KCNJ6: variants seen among roughly 807,000 people sequenced by gnomAD.
The protein encoded by KCNJ6 is potassium inwardly rectifying channel subfamily J member 6, also known as G protein-activated inward rectifier potassium channel 2.
Under a neutral mutation model 34.2 loss-of-function variants are expected in KCNJ6, and 9 were observed. That is an observed-to-expected ratio of 0.26 (90% confidence interval 0.16 to 0.46). The LOEUF (loss-of-function observed/expected upper bound fraction) is 0.46. KCNJ6 is among the 20% of genes least tolerant of loss of function. The pLI is 1.00. For missense variants in KCNJ6, 236 were observed against 531.3 expected, an observed-to-expected ratio of 0.44 and a Z score of 5.46; for synonymous variants, 196 against 207.1, an observed-to-expected ratio of 0.95 and a Z score of 0.46.
At chr21:37,682,014 C>T (rs186357895) in intron 3 of KCNJ6, among the ~76,000 whole-genome samples, 120 of 152,298 alleles carry the variant, frequency 7.9e-4, no homozygotes, top group Non-Finnish European at 1.5e-3. Context: ...GGCCTTGGCC[C>T]ATCACATTAC....
At chr21:37,818,440 C>T (rs959518850) in intron 2 of KCNJ6, among the ~76,000 whole-genome samples, 3 of 151,506 alleles carry the variant, frequency 2.0e-5, no homozygotes, top group African/African-American at 7.3e-5. Flanking sequence ...AATGCCCATT[C>T]CTAATCAGCT....
chr21:37,826,165 T>G (rs1487074494), intron 2 of KCNJ6, among the ~76,000 whole-genome samples: 1 of 152,080 alleles, frequency 6.6e-6, no homozygotes, highest in Non-Finnish European at 1.5e-5. Flanking sequence ...AAATTTTAGC[T>G]TTAGTGTTGA....
At chr21:37,734,952 G>C (rs1376250648) in intron 2 of KCNJ6, among the ~76,000 whole-genome samples, 1 of 152,180 alleles carries the variant, frequency 6.6e-6, no homozygotes, top group Non-Finnish European at 1.5e-5. Flanking sequence ...TGGAATGAAT[G>C]ACAGGAACGT....
chr21:37,693,308 T>C (rs2054648396), intron 3 of KCNJ6, among the ~76,000 whole-genome samples: 1 of 152,212 alleles, frequency 6.6e-6, no homozygotes, highest in Admixed American at 6.5e-5. Flanking sequence ...TTGATTCACA[T>C]CACCATTTGG....
chr21:37,675,342 GTGGCTGCAT>G lies in KCNJ6; in HGVS notation c.946+38860_946+38868del, dbSNP rs1444453321. Among the ~76,000 whole-genome samples, 1 of 152,262 alleles carries G rather than the reference GTGGCTGCAT, an allele frequency of 6.6e-6. No individual in the cohort carries two copies. The highest frequency in any genetic ancestry group is 6.5e-5 in the Admixed American group (1 of 15,290). On this transcript the variant is annotated intron_variant, in intron 3 of 3. Transcript: ENST00000609713. The surrounding 1 kb of genome is among the most constrained non-coding windows in gnomAD (Gnocchi z 4.2). Reference sequence around the variant, plus strand: ...CAAGTTGGCGGGGATTTTTCCGCGAGTGGCTGCATTGGCTTTAAGAAACTGCGCCGGGCT... The same window carrying G: ...CAAGTTGGCGGGGATTTTTCCGCGAGTGGCTTTAAGAAACTGCGCCGGGCT...
intron 2 of KCNJ6, among the ~76,000 whole-genome samples, chr21:37,782,978 G>A (rs1320431373): frequency 2.0e-5 from 3 of 152,116 alleles, no homozygotes; most frequent in Admixed American, 2.0e-4. Context: ...TTAATTCCAG[G>A]CTGACTTCCT....
chr21:37,903,743 C>CAAA (rs541089164), intron 1 of KCNJ6, among the ~76,000 whole-genome samples: 3 of 107,372 alleles, frequency 2.8e-5, no homozygotes, highest in African/African-American at 1.1e-4. Flanking sequence ...CAAAACAAAA[C>CAAA]AAAAAAAAAC....
chr21:37,683,385 A>T (rs2123420403), intron 3 of KCNJ6, among the ~76,000 whole-genome samples: 1 of 152,328 alleles, frequency 6.6e-6, no homozygotes, highest in South Asian at 2.1e-4. Flanking sequence ...AACAGCATTT[A>T]AAGAGAGCAG....
chr21:37,679,360 T>A (rs1449134142), intron 3 of KCNJ6, among the ~76,000 whole-genome samples: 1 of 152,254 alleles, frequency 6.6e-6, no homozygotes, highest in East Asian at 1.9e-4. Flanking sequence ...AAAAGCTATG[T>A]GCCCTTGGAC....
intron 2 of KCNJ6, among the ~76,000 whole-genome samples, chr21:37,789,846 G>C (rs764828641): frequency 7.2e-5 from 11 of 152,104 alleles, no homozygotes; most frequent in Non-Finnish European, 1.5e-4. Flanking sequence ...GAGAACTTTA[G>C]GTGTCTTAGG....
At chr21:37,908,023 T>TAGAAAAC (rs2055849893) in intron 1 of KCNJ6, among the ~76,000 whole-genome samples, 1 of 152,246 alleles carries the variant, frequency 6.6e-6, no homozygotes, top group East Asian at 1.9e-4. Flanking sequence ...GTCAAGAGTT[T>TAGAAAAC]TCTAATCCAG....
chr21:37,640,835 G>C (rs1294777195), intron 3 of KCNJ6, among the ~76,000 whole-genome samples: 1 of 152,188 alleles, frequency 6.6e-6, no homozygotes, highest in East Asian at 1.9e-4. Flanking sequence ...GAAACTCATA[G>C]ATCCTCTTCT....
intron 1 of KCNJ6, among the ~76,000 whole-genome samples, chr21:37,910,885 C>T (rs139257217): frequency 4.6e-5 from 7 of 152,256 alleles, no homozygotes; most frequent in Non-Finnish European, 1.0e-4. Context: ...ATCTGAATGA[C>T]CATTTGAACA....
At chr21:37,711,654 T>A (rs2054752827) in intron 3 of KCNJ6, among the ~76,000 whole-genome samples, 1 of 152,180 alleles carries the variant, frequency 6.6e-6, no homozygotes, top group South Asian at 2.1e-4. Context: ...CCATAAATCC[T>A]AATTGAGCTT....
At chr21:37,640,344 C>T (rs2054375476) in intron 3 of KCNJ6, among the ~76,000 whole-genome samples, 1 of 152,232 alleles carries the variant, frequency 6.6e-6, no homozygotes, top group Non-Finnish European at 1.5e-5. Context: ...TACTTCACCT[C>T]TCTCACTTCC....
intron 2 of KCNJ6, among the ~76,000 whole-genome samples, chr21:37,828,934 T>C (rs1284540982): frequency 1.3e-5 from 2 of 152,200 alleles, no homozygotes; most frequent in African/African-American, 2.4e-5. Flanking sequence ...GGCCATTTGT[T>C]TGCAGGTCCC....
chr21:37,756,842 A>G (rs864514), intron 2 of KCNJ6, among the ~76,000 whole-genome samples: 4,521 of 62,938 alleles, frequency 0.072, 1 homozygote, highest in Middle Eastern at 0.082. Context: ...ATTCCAGCCC[A>G]GAGTGAGCAC....
intron 2 of KCNJ6, among the ~76,000 whole-genome samples, chr21:37,772,904 A>G (rs1049894728): frequency 5.3e-5 from 8 of 152,236 alleles, no homozygotes; most frequent in African/African-American, 1.9e-4. Flanking sequence ...CATTAACTCA[A>G]CAAGGATACT....
chr21:37,727,422 G>A (rs548504643), intron 2 of KCNJ6, among the ~76,000 whole-genome samples: 14 of 151,378 alleles, frequency 9.2e-5, no homozygotes, highest in African/African-American at 3.4e-4. Context: ...TAAAGGCAGA[G>A]AGAGCTGGAG....
Sources: allele counts gnomAD v4.1 joint callset (sites outside exome capture counted in the v4.1 genomes callset), GRCh38; gene constraint gnomAD v4.1.1; non-coding constraint Gnocchi (gnomAD v3.1); transcripts MANE v1.5; gene names NCBI Gene and HGNC (gene_info 2026-07-23, HGNC 2026-07-21).